MYO7B: variants seen among roughly 807,000 people sequenced by gnomAD.
MYO7B encodes the protein myosin VIIB.
In MYO7B, 212 loss-of-function variants were observed where a neutral mutation model predicts 259.7. The observed-to-expected ratio is 0.82, with a 90% CI of 0.73 to 0.91. The LOEUF (loss-of-function observed/expected upper bound fraction) is 0.91, where lower values mean the gene tolerates loss of function less well. Ranked by LOEUF, MYO7B falls within the 40% of genes least tolerant of loss-of-function variation. The probability of loss-of-function intolerance (pLI) is 0.00; values close to 1 mark genes in which losing one functional copy is unlikely to be tolerated. For synonymous variants in MYO7B, 1,197 were observed against 1,166.4 expected, an observed-to-expected ratio of 1.03 and a Z score of -0.54; for missense variants, 2,732 against 2,813.5, an observed-to-expected ratio of 0.97 and a Z score of 0.66.
rs186701935 is a variant in MYO7B at position 127,552,086 on chromosome 2, G to A, written c.-23-7614G>A. Among the ~76,000 whole-genome samples the A allele has an allele frequency of 2.9e-4, 44 of 152,284 alleles. 1 individual carries two copies. The Middle Eastern group carries it at 0.017, about 59-fold the overall frequency. ...AGGGTGACGGACCACAGGGGCCCAC[G>A]TCATGTATGCTTCCTTCTGGTTCAA... is the stretch of plus-strand genomic sequence containing the variant. On this transcript the variant is annotated intron_variant, in intron 1 of 47. Transcript: ENST00000409816.
At position 127,630,874 on chromosome 2, in the gene MYO7B, C is replaced by T. The variant is rs771231812; in HGVS notation, c.4903C>T (p.His1635Tyr). Residue 1635 changes from histidine to tyrosine, a missense_variant, in exon 36 of 48, where the codon CAC becomes TAC. By Grantham distance (83) the His-to-Tyr change is moderately conservative. Coordinates refer to ENST00000409816, the MANE Select transcript of MYO7B (RefSeq NM_001393586.1). ...RPEEPPKEKL[H>Y]TLEEFSYEFF... ...TGAGGAGCCACCCAAGGAAAAGCTG[C>T]ACACCCTGGAGGAGTTCTCCTATGA... The T allele has an allele frequency of 1.9e-6, 3 of 1,605,282 alleles. No individual in the cohort carries two copies. Among genetic ancestry groups the T allele is most frequent in the Non-Finnish European group, 2.6e-6 (3 of 1,176,078 alleles).
intron 34 of MYO7B, 69 bp from the exon 35 acceptor site, chr2:127,629,575 AC>A: frequency 6.8e-7 from 1 of 1,460,374 alleles, no homozygotes; most frequent in South Asian, 1.3e-5. Context: ...AAAGGAGATG[AC>A]CCACAAAATT....
intron 11 of MYO7B, 90 bp downstream of exon 11, chr2:127,582,100 A>C: frequency 1.6e-5 from 25 of 1,584,368 alleles, no homozygotes; most frequent in Non-Finnish European, 2.1e-5. Context: ...GATGGAGCAG[A>C]GGGCCCTGGG....
Position 127,621,972 on chromosome 2 carries a change from CA to C in MYO7B, c.3526-9del. ...GTGTCTTCCTCCCTTCTCCCCTCCT[CA>C]CCCACCAGTATCTACTGAACTTCAT... On this transcript the variant is annotated splice_polypyrimidine_tract_variant and intron_variant, in intron 27 of 47. Coordinates refer to ENST00000409816, the MANE Select transcript of MYO7B (RefSeq NM_001393586.1). The C allele has an allele frequency of 1.1e-5, 17 of 1,551,746 alleles. No individual in the cohort carries two copies. In the Middle Eastern group the frequency reaches 2.7e-3, roughly 244 times the overall value.
intron 19 of MYO7B, among the ~76,000 whole-genome samples, chr2:127,601,725 C>T (rs746876773): frequency 4.6e-5 from 7 of 152,008 alleles, no homozygotes; most frequent in South Asian, 4.2e-4. Flanking sequence ...AGTATGTAAT[C>T]GGGTCATGTT....
At chr2:127,625,343 C>T (rs754354167) in intron 30 of MYO7B, 25 bp from the exon 31 acceptor site, 2 of 1,497,892 alleles carry the variant, frequency 1.3e-6, no homozygotes, top group African/African-American at 2.8e-5. Context: ...CTCACTCGCC[C>T]CCGTGGGTGC....
Position 127,636,308 on chromosome 2 carries a change from CCTT to C in MYO7B, c.6112_6114del (p.Phe2038del). ...TGCCGGTGGCCCACCTTCGGATCCG[CCTT>C]CTTCGAGGTGAAGGTAAACCTTGCC... is the stretch of plus-strand genomic sequence containing the variant. On this transcript the variant is annotated inframe_deletion, in exon 45 of 48. Coordinates refer to ENST00000409816, the MANE Select transcript of MYO7B (RefSeq NM_001393586.1). This position sits in a 1 kb window ranked among gnomAD's most constrained non-coding sequence, Gnocchi z 4.5. 6.2e-7 allele frequency: 1 copy of C among 1,613,342 alleles called. No individual in the cohort carries two copies. Among genetic ancestry groups the C allele is most frequent in the Non-Finnish European group, 8.5e-7 (1 of 1,179,748 alleles).
Position 127,631,711 on chromosome 2 carries a change from T to C in MYO7B, c.5207T>C (p.Val1736Ala). The change falls in exon 38 of 48, where the codon GTC becomes GCC. Residue 1736 changes from valine (V) to alanine (A), a missense_variant. Val to Ala is a moderately conservative substitution (Grantham distance 64). Coordinates refer to ENST00000409816, the MANE Select transcript of MYO7B (RefSeq NM_001393586.1). ...ALQHPALQDE[V>A]YCQILKQLTH... ...CAGCACCCGGCCCTCCAGGACGAGGTCTACTGCCAGATCCTGAAGCAGCTG... is the reference window on the plus strand; with the variant it reads ...CAGCACCCGGCCCTCCAGGACGAGGCCTACTGCCAGATCCTGAAGCAGCTG... The C allele has an allele frequency of 6.2e-7, 1 of 1,612,814 alleles. No individual in the cohort carries two copies. Among genetic ancestry groups the C allele is most frequent in the Non-Finnish European group, 8.5e-7 (1 of 1,179,808 alleles).
rs1222128523 is a variant in MYO7B at position 127,629,706 on chromosome 2, G to A, written c.4686G>A (p.Gly1562=). ...TGTTGGTCCTCACAAAGAAGCAGGG[G>A]CTGCTGGCCTCTGAGAACTGGACCC... is the stretch of plus-strand genomic sequence containing the variant. ...GDLLVLTKKQ[G]LLASENWTLG... The change falls in exon 35 of 48, where the codon GGG becomes GGA. Residue 1562 remains glycine (G), a synonymous_variant. Coordinates refer to ENST00000409816, the MANE Select transcript of MYO7B (RefSeq NM_001393586.1). 1.9e-6 allele frequency: 3 copies of A among 1,612,346 alleles called. No homozygotes were observed. The East Asian group carries it at 6.7e-5, about 36-fold the overall frequency.
Position 127,609,562 on chromosome 2 carries a change from G to A in MYO7B, c.2871G>A (p.Met957Ile). 1 of 1,613,974 alleles carries A rather than the reference G, an allele frequency of 6.2e-7. No homozygotes were observed. Among genetic ancestry groups the A allele is most frequent in the East Asian group, 2.2e-5 (1 of 44,888 alleles). Residue 957 changes from methionine (M) to isoleucine (I), a missense_variant, in exon 23 of 48, where the codon ATG becomes ATA. This residue lies in a region of MYO7B where 1,906 missense variants were observed against 2,026.4 expected (regional missense o/e 0.94). Coordinates refer to ENST00000409816, the MANE Select transcript of MYO7B (RefSeq NM_001393586.1). The surrounding 1 kb of genome is among the most constrained non-coding windows in gnomAD (Gnocchi z 6.9). ...AGGTTGACCTGGACACAGTCCCCAT[G>A]GCGGAGGAGCCTGAGGAGGATGTGG... Reference protein sequence around the residue: ...LLEVDLDTVPMAEEPEEDVDG... With the variant: ...LLEVDLDTVPIAEEPEEDVDG...
At chr2:127,612,147 G>C (rs1160050403) in intron 24 of MYO7B, 103 bp from the exon 25 acceptor site, 1 of 474,680 alleles carries the variant, frequency 2.1e-6, no homozygotes, top group Non-Finnish European at 4.2e-6. Flanking sequence ...CCAGGAAATG[G>C]CTGGGTGAAA....
At chr2:127,606,336 G>C (rs1680156502) in intron 20 of MYO7B, among the ~76,000 whole-genome samples, 1 of 152,200 alleles carries the variant, frequency 6.6e-6, no homozygotes, top group East Asian at 1.9e-4. Context: ...TCTGCTCAAA[G>C]GAATGAACTA....
rs1459723341 is a variant in MYO7B at position 127,628,383 on chromosome 2, GCGGGCA to G, written c.4473_4478del (p.Gly1492_Gln1493del). The G allele has an allele frequency of 6.2e-7, 1 of 1,600,782 alleles. No individual in the cohort carries two copies. Among genetic ancestry groups the G allele is most frequent in the Non-Finnish European group, 8.5e-7 (1 of 1,175,826 alleles). ...TCCTTCATCTCCAGGGAGGCCCAGG[GCGGGCA>G]GAGGCTGCTGCTCTCCACGATGCAT... On this transcript the variant is annotated inframe_deletion, in exon 34 of 48. Transcript: ENST00000409816. This position sits in a 1 kb window ranked among gnomAD's most constrained non-coding sequence, Gnocchi z 4.8.
intron 19 of MYO7B, among the ~76,000 whole-genome samples, chr2:127,599,853 G>A (rs970632495): frequency 6.6e-6 from 1 of 152,166 alleles, no homozygotes; most frequent in African/African-American, 2.4e-5. Flanking sequence ...TGCATCCCTG[G>A]AGGAAACACC....
intron 26 of MYO7B, among the ~76,000 whole-genome samples, chr2:127,617,386 G>A (rs906972554): frequency 2.7e-5 from 4 of 150,280 alleles, no homozygotes; most frequent in African/African-American, 9.9e-5. Context: ...TCTTCCCCAT[G>A]TTACCCTGAT....
At position 127,613,693 on chromosome 2, in the gene MYO7B, A is replaced by ACTC. The variant is rs1680468987; in HGVS notation, c.3398+1091_3398+1093dup. On this transcript the variant is annotated intron_variant, in intron 26 of 47. Transcript: ENST00000409816. The surrounding 1 kb of genome is among the most constrained non-coding windows in gnomAD (Gnocchi z 4.3). ...GGACATTGAGGATGATACGTTAGAG[A>ACTC]CTCTGGATTCTGTTATACTCTTTCA... Among the ~76,000 whole-genome samples, 1 of 151,790 alleles carries ACTC rather than the reference A, an allele frequency of 6.6e-6. No homozygotes were observed. The highest frequency in any genetic ancestry group is 1.5e-5 in the Non-Finnish European group (1 of 67,938).
chr2:127,631,777 C>A, intron 38 of MYO7B, 24 bp downstream of exon 38: 1 of 1,607,158 alleles, frequency 6.2e-7, no homozygotes, highest in Non-Finnish European at 8.5e-7. Context: ...GCGGCCAGCC[C>A]ACGCGGGCAC....
In MYO7B at chr2:127,630,836, C is replaced by T. The variant is rs1188066011; in HGVS notation, c.4865C>T (p.Thr1622Ile). ...RKLAAQEGQFTEPRPEEPPKE... is the reference protein window; with the variant it reads ...RKLAAQEGQFIEPRPEEPPKE... ...CTGGCGGCTCAGGAGGGGCAGTTCA[C>T]AGAGCCACGTCCTGAGGAGCCACCC... is the stretch of plus-strand genomic sequence containing the variant. Residue 1622 changes from threonine (T) to isoleucine (I), a missense_variant, in exon 36 of 48, where the codon ACA (threonine) becomes ATA (isoleucine). By Grantham distance (89) the Thr-to-Ile change is moderately conservative. This residue lies in a region of MYO7B where 821 missense variants were observed against 769.3 expected (regional missense o/e 1.07). Coordinates refer to ENST00000409816, the MANE Select transcript of MYO7B (RefSeq NM_001393586.1). 2 of 1,612,922 alleles carry T rather than the reference C, an allele frequency of 1.2e-6. No individual in the cohort carries two copies. The highest frequency in any genetic ancestry group is 4.5e-5 in the East Asian group (2 of 44,880).
At chr2:127,633,673 G>T (rs1022642076) in intron 40 of MYO7B, among the ~76,000 whole-genome samples, 1 of 152,162 alleles carries the variant, frequency 6.6e-6, no homozygotes, top group Admixed American at 6.5e-5. Context: ...GACCATCTGG[G>T]GTGCAGGAGA....
Sources: gnomAD v4.1 joint callset for allele counts (sites outside exome capture counted in the v4.1 genomes callset) on GRCh38, gnomAD v4.1.1 for gene constraint, gnomAD v4.1.1 regional missense constraint, Gnocchi (gnomAD v3.1) non-coding constraint, MANE v1.5 for transcripts, NCBI Gene and HGNC (gene_info 2026-07-23, HGNC 2026-07-21) for gene names.